RECQL4: variants seen among roughly 807,000 people sequenced by gnomAD.
The protein encoded by RECQL4 is ATP-dependent DNA helicase Q4.
RECQL4 carries 158 observed loss-of-function variants against 128.6 expected under a neutral mutation model. The ratio of observed to expected loss-of-function variants is 1.23; its 90% confidence interval spans 1.08 to 1.40. RECQL4 has a LOEUF of 1.40. Among genes scored for constraint, RECQL4 ranks in the 40% most tolerant of loss-of-function variants. The pLI is 0.00. For missense variants in RECQL4, 2,293 were observed against 1,649.8 expected, an observed-to-expected ratio of 1.39 and a Z score of -6.75; for synonymous variants, 996 against 678.9, an observed-to-expected ratio of 1.47 and a Z score of -7.26.
chr8:144,516,233 C>G lies in RECQL4; in HGVS notation c.886G>C (p.Glu296Gln). The G allele has an allele frequency of 6.2e-7, 1 of 1,613,100 alleles. No homozygotes were observed. Among genetic ancestry groups the G allele is most frequent in the Non-Finnish European group, 8.5e-7 (1 of 1,179,844 alleles). Reference protein sequence around the residue: ...SEGAGAVAVEEDPPGEPVQAQ... With the variant: ...SEGAGAVAVEQDPPGEPVQAQ... Reference sequence around the variant, plus strand: ...TGTACAGGTTCCCCTGGAGGGTCTTCCTCAACTGCTACAGCCCCAGCCCCC... The same window carrying G: ...TGTACAGGTTCCCCTGGAGGGTCTTGCTCAACTGCTACAGCCCCAGCCCCC... The change falls in exon 5 of 21, where the codon GAA becomes CAA. Residue 296 changes from glutamate (E) to glutamine (Q), a missense_variant. Glu to Gln is a conservative substitution (Grantham distance 29). Transcript: ENST00000617875.
chr8:144,515,794 C>G lies in RECQL4; in HGVS notation c.1228G>C (p.Asp410His), dbSNP rs558779399. 11 of 1,612,448 alleles carry G rather than the reference C, an allele frequency of 6.8e-6. No homozygotes were observed. The Admixed American group carries it at 1.8e-4, about 27-fold the overall frequency. The change falls in exon 6 of 21, where the codon GAT (aspartate) becomes CAT (histidine). Residue 410 changes from aspartate to histidine, a missense_variant. Physicochemically the swap from Asp to His is moderately conservative, Grantham distance 81. Coordinates refer to ENST00000617875, the MANE Select transcript of RECQL4 (RefSeq NM_004260.4). ...CGGGGACACTGGGCTGCCCAGTGAT[C>G]GAACTGCTCGTTCAGGAAACAAGAC... ...KESCFLNEQF[D>H]HWAAQCPRPA...
chr8:144,512,784 C>T lies in RECQL4; in HGVS notation c.2756-13G>A. On this transcript the variant is annotated splice_polypyrimidine_tract_variant and intron_variant, in intron 15 of 20. Transcript: ENST00000617875. The stretch of plus-strand genomic sequence containing the variant: ...AAAGTCTCGATGGCTGGGGGCAGAG[C>T]AGGGCTCAGCGGACGCGGGGACAGC... The T allele has an allele frequency of 6.2e-7, 1 of 1,611,366 alleles. No individual in the cohort carries two copies. Among genetic ancestry groups the T allele is most frequent in the Non-Finnish European group, 8.5e-7 (1 of 1,179,630 alleles).
Position 144,516,494 on chromosome 8 carries a change from T to C in RECQL4, c.625A>G (p.Arg209Gly). 2 of 1,609,006 alleles carry C rather than the reference T, an allele frequency of 1.2e-6. No homozygotes were observed. Among genetic ancestry groups the C allele is most frequent in the Non-Finnish European group, 1.7e-6 (2 of 1,179,654 alleles). ...PDFLGAPKACRPDLGSEESQL... is the reference protein window; with the variant it reads ...PDFLGAPKACGPDLGSEESQL... The stretch of plus-strand genomic sequence containing the variant: ...GATTCCTCTGAGCCTAGATCAGGCC[T>C]GCAGGCTTTGGGGGCCCCCAGAAAA... The change falls in exon 5 of 21, where the codon AGG becomes GGG. Residue 209 changes from arginine to glycine, a missense_variant. Arg to Gly is a moderately radical substitution (Grantham distance 125). Transcript: ENST00000617875.
intron 13 of RECQL4, 35 bp from the exon 14 acceptor site, chr8:144,513,515 G>A (rs747782162): frequency 6.2e-7 from 1 of 1,610,610 alleles, no homozygotes; most frequent in Non-Finnish European, 8.5e-7. Context: ...CAGTGGGATG[G>A]GACCATGTGT....
rs770437224 is a variant in RECQL4, at chr8:144,512,870, T to C, written c.2732A>G (p.Gln911Arg). 12 of 1,600,288 alleles carry C rather than the reference T, an allele frequency of 7.5e-6. No homozygotes were observed. Among genetic ancestry groups the C allele is most frequent in the South Asian group, 1.1e-5 (1 of 89,236 alleles). The change falls in exon 15 of 21, where the codon CAG (glutamine) becomes CGG (arginine). Residue 911 changes from glutamine to arginine, a missense_variant. Transcript: ENST00000617875. ...ACCCTCCTCCGGCATGTCCAAAGCC[T>C]GTACGGTAAGCTGTATTGGGAGTGC... ...ERALPIQLTV[Q>R]ALDMPEEAIE... is the part of the protein sequence containing the mutation.
chr8:144,516,952 G>A (rs914690072), intron 4 of RECQL4, 98 bp downstream of exon 4: 6 of 1,495,562 alleles, frequency 4.0e-6, no homozygotes, highest in East Asian at 2.3e-5. Context: ...TTGGCACAGG[G>A]GCCCGTGCCT....
In RECQL4 at chr8:144,512,571, G is replaced by A. The variant is rs1060504220; in HGVS notation, c.2886-10C>T. On this transcript the variant is annotated splice_polypyrimidine_tract_variant and intron_variant, in intron 16 of 20. Transcript: ENST00000617875. ...AGCCAAAGGGGGACACCTGTGCCCA[G>A]GGAAAAAGGGACATGTGGCCAACAG... The A allele has an allele frequency of 1.1e-5, 18 of 1,612,266 alleles. No individual in the cohort carries two copies. Among genetic ancestry groups the A allele is most frequent in the Non-Finnish European group, 1.5e-5 (18 of 1,179,638 alleles).
In RECQL4 at chr8:144,515,059, C is replaced by T. The variant is rs749324210; in HGVS notation, c.1497G>A (p.Leu499=). ...TGCCGGCACCTGTAGGCAGCACCAG[C>T]AGCGTGGAGATGCCTGGATGGGGCG... The part of the protein sequence containing the change: ...VMRILSGIST[L]LVLPTGAGKS... The change falls in exon 9 of 21, where the codon CTG becomes CTA. Residue 499 remains leucine, a synonymous_variant. Coordinates refer to ENST00000617875, the MANE Select transcript of RECQL4 (RefSeq NM_004260.4). 1 of 1,608,106 alleles carries T rather than the reference C, an allele frequency of 6.2e-7. No homozygotes were observed. The highest frequency in any genetic ancestry group is 1.7e-5 in the Admixed American group (1 of 59,324).
intron 4 of RECQL4, 91 bp downstream of exon 4, chr8:144,516,959 G>C: frequency 6.6e-7 from 1 of 1,520,928 alleles, no homozygotes; most frequent in Non-Finnish European, 8.9e-7. Context: ...AGGGGCCCGT[G>C]CCTGTCTGTG....
Position 144,517,709 on chromosome 8 carries a change from G to A in RECQL4, c.76C>T (p.Pro26Ser). 7.3e-7 allele frequency: 1 copy of A among 1,367,510 alleles called. No homozygotes were observed. The highest frequency in any genetic ancestry group is 9.4e-7 in the Non-Finnish European group (1 of 1,060,492). The allele number at this position is 1,367,510 out of a possible 1,614,324, so 84.7% of individuals were successfully genotyped here. A position where few individuals can be genotyped will look rare whatever the true frequency, so the allele number is the denominator to read the frequency against. ...RAFRRQRGRR[P>S]SQDDVEAAPE... ...CCCTGGGCAGCCCGCACCTGGCTCG[G>A]TCGCCGCCCGCGCTGCCGTCGGAAC... Residue 26 changes from proline to serine, a missense_variant, in exon 1 of 21, where the codon CCG (proline) becomes TCG (serine). Physicochemically the swap from Pro to Ser is moderately conservative, Grantham distance 74 (BLOSUM62 -1). Transcript: ENST00000617875.
Position 144,517,415 on chromosome 8 carries a change from T to C in RECQL4, c.212A>G (p.Glu71Gly), listed in dbSNP as rs34642881. Residue 71 changes from glutamate to glycine, a missense_variant and splice_region_variant, in exon 3 of 21, where the codon GAG becomes GGG. By Grantham distance (98) the Glu-to-Gly change is moderately conservative (BLOSUM62 -2). Transcript: ENST00000617875. ...SSESLPAAAEEAPEPRCWGPH... is the reference protein window; with the variant it reads ...SSESLPAAAEGAPEPRCWGPH... Reference sequence around the variant, plus strand: ...GCTGGGGCGGCGGGGCCTGGGTACCTCTTCGGCCGCCGCGGGGAGCGACTC... The same window carrying C: ...GCTGGGGCGGCGGGGCCTGGGTACCCCTTCGGCCGCCGCGGGGAGCGACTC... 0.013 allele frequency: 19,936 copies of C among 1,569,994 alleles called. 437 individuals carry two copies. The highest frequency in any genetic ancestry group is 0.058 in the South Asian group (5,037 of 86,758).
rs527934999 is a variant in RECQL4, at chr8:144,516,709, G to A, written c.410C>T (p.Ala137Val). 8 of 1,546,732 alleles carry A rather than the reference G, an allele frequency of 5.2e-6. No homozygotes were observed. In the Admixed American group the frequency reaches 1.2e-4, roughly 23 times the overall value. Residue 137 changes from alanine to valine, a missense_variant, in exon 5 of 21, where the codon GCA becomes GTA. Coordinates refer to ENST00000617875, the MANE Select transcript of RECQL4 (RefSeq NM_004260.4). ...TGTACCTGGGGGCTTTGGGGTGGAT[G>A]CCTTAGATGAGGCTCTTCCTAGAGG... ...PWPLGRASSKASTPKPPGTGP... is the reference protein window; with the variant it reads ...PWPLGRASSKVSTPKPPGTGP...
rs1317950691 is a variant in RECQL4, at chr8:144,516,478, G to T, written c.641C>A (p.Ser214Ter). 5.0e-6 allele frequency: 8 copies of T among 1,608,674 alleles called. No homozygotes were observed. Among genetic ancestry groups the T allele is most frequent in the Non-Finnish European group, 6.8e-6 (8 of 1,179,722 alleles). Residue 214 changes from serine (S) to a stop codon, truncating the protein, a stop_gained, in exon 5 of 21, where the codon TCA (serine) becomes TAA (stop). Coordinates refer to ENST00000617875, the MANE Select transcript of RECQL4 (RefSeq NM_004260.4). LOFTEE classifies it high-confidence loss of function. ...APKACRPDLG[S>*]EESQLLIPGE... ...AGGGATCAGAAGTTGTGATTCCTCT[G>T]AGCCTAGATCAGGCCTGCAGGCTTT... is the stretch of plus-strand genomic sequence containing the variant.
chr8:144,517,179 G>T lies in RECQL4; in HGVS notation c.225C>A (p.Pro75=). Residue 75 remains proline, a synonymous_variant, in exon 4 of 21, where the codon CCC becomes CCA. Coordinates refer to ENST00000617875, the MANE Select transcript of RECQL4 (RefSeq NM_004260.4). The part of the protein sequence containing the change: ...LPAAAEEAPE[P]RCWGPHLNRA... ...GATTCAGATGGGGCCCCCAGCAGCG[G>T]GGCTCTGGCGCCTGCAGGAGACAAC... 6.2e-7 allele frequency: 1 copy of T among 1,604,410 alleles called. No individual in the cohort carries two copies. The highest frequency in any genetic ancestry group is 1.1e-5 in the South Asian group (1 of 90,312).
Position 144,515,522 on chromosome 8 carries a change from C to A in RECQL4, c.1259-65G>T, listed in dbSNP as rs921732045. 3 of 1,606,598 alleles carry A rather than the reference C, an allele frequency of 1.9e-6. No homozygotes were observed. The African/African-American group carries it at 4.0e-5, about 21-fold the overall frequency. On this transcript the variant is annotated intron_variant, in intron 6 of 20. Coordinates refer to ENST00000617875, the MANE Select transcript of RECQL4 (RefSeq NM_004260.4). Reference sequence around the variant, plus strand: ...CGGGCAAGACAACCACTGGCCACAACCTCTCCTTCCCCCAAAGGGGGTTGG... The same window carrying A: ...CGGGCAAGACAACCACTGGCCACAAACTCTCCTTCCCCCAAAGGGGGTTGG...
chr8:144,513,992 TGGA>T lies in RECQL4; in HGVS notation c.1991_1993del (p.Leu664del). 1 of 1,567,366 alleles carries T rather than the reference TGGA, an allele frequency of 6.4e-7. No homozygotes were observed. The highest frequency in any genetic ancestry group is 1.2e-5 in the South Asian group (1 of 85,500). ...GTTGGTGGGAACTGGGGCTGGCCCGTGGAGGTCAGGCTCTTCAGCCACAGCCAG... is the reference window on the plus strand; with the variant it reads ...GTTGGTGGGAACTGGGGCTGGCCCGTGGTCAGGCTCTTCAGCCACAGCCAG... On this transcript the variant is annotated inframe_deletion, in exon 12 of 21. Coordinates refer to ENST00000617875, the MANE Select transcript of RECQL4 (RefSeq NM_004260.4).
chr8:144,514,334 A>C lies in RECQL4; in HGVS notation c.1733T>G (p.Met578Arg), dbSNP rs1293785230. The C allele has an allele frequency of 6.2e-7, 1 of 1,607,820 alleles. No homozygotes were observed. The highest frequency in any genetic ancestry group is 8.5e-7 in the Non-Finnish European group (1 of 1,176,878). Reference sequence around the variant, plus strand: ...CCCCACCAGTGCCTCAGGTGTCAGCATCAGCACGTGTACCTGGGCTGCCCG... The same window carrying C: ...CCCCACCAGTGCCTCAGGTGTCAGCCTCAGCACGTGTACCTGGGCTGCCCG... ...KIRAAQVHVL[M>R]LTPEALVGAG... The change falls in exon 11 of 21, where the codon ATG (methionine) becomes AGG (arginine). Residue 578 changes from methionine to arginine, a missense_variant. Met to Arg is a moderately conservative substitution (Grantham distance 91). Coordinates refer to ENST00000617875, the MANE Select transcript of RECQL4 (RefSeq NM_004260.4).
Position 144,511,385 on chromosome 8 carries a change from C to G in RECQL4, c.*46G>C. The stretch of plus-strand genomic sequence containing the variant: ...CCCAGGTCCTCAGTCACTGCCCTAG[C>G]CTCTGACAACCCCAGCTCTACCCGA... On this transcript the variant is annotated 3_prime_UTR_variant, in exon 21 of 21. Coordinates refer to ENST00000617875, the MANE Select transcript of RECQL4 (RefSeq NM_004260.4). The G allele has an allele frequency of 6.2e-7, 1 of 1,601,320 alleles. No homozygotes were observed. Among genetic ancestry groups the G allele is most frequent in the Non-Finnish European group, 8.5e-7 (1 of 1,170,454 alleles).
Position 144,516,103 on chromosome 8 carries a change from AGGGGGGCTGTGCCCTC to A in RECQL4, c.1000_1015del (p.Glu334CysfsTer20). 6.2e-7 allele frequency: 1 copy of A among 1,612,836 alleles called. No individual in the cohort carries two copies. The highest frequency in any genetic ancestry group is 8.5e-7 in the Non-Finnish European group (1 of 1,179,860). The stretch of plus-strand genomic sequence containing the variant: ...GCGGGCCAGCCGAGGGAAGATGTGC[AGGGGGGCTGTGCCCTC>A]AGCCTTCCCAGCCCTAGCTTGACTG... On this transcript the variant is annotated frameshift_variant, in exon 5 of 21. Coordinates refer to ENST00000617875, the MANE Select transcript of RECQL4 (RefSeq NM_004260.4). LOFTEE classifies it high-confidence loss of function.
Sources: allele counts gnomAD v4.1 joint callset, GRCh38; gene constraint gnomAD v4.1.1; transcripts MANE v1.5; gene names NCBI Gene and HGNC (gene_info 2026-07-23, HGNC 2026-07-21).